FOCAD: variants seen among roughly 807,000 people sequenced by gnomAD.
FOCAD encodes focadhesin.
In FOCAD, 198 loss-of-function variants were observed where a neutral mutation model predicts 225.6. The ratio of observed to expected loss-of-function variants is 0.88; its 90% CI spans 0.78 to 0.99. The LOEUF (loss-of-function observed/expected upper bound fraction) is 0.99, where lower values mean the gene tolerates loss of function less well. FOCAD is among the 50% of genes least tolerant of loss of function. The pLI is 0.00. For missense variants in FOCAD, 2,713 were observed against 2,123.6 expected, an observed-to-expected ratio of 1.28 and a Z score of -5.46; for synonymous variants, 897 against 755.0, an observed-to-expected ratio of 1.19 and a Z score of -3.08.
intron 15 of FOCAD, among the ~76,000 whole-genome samples, chr9:20,841,119 G>A (rs989348367): frequency 2.0e-5 from 3 of 151,880 alleles, no homozygotes; most frequent in African/African-American, 7.2e-5. Context: ...AATTTGGTTT[G>A]CTATTATTTT....
chr9:20,888,166 T>A (rs183918725), intron 21 of FOCAD, among the ~76,000 whole-genome samples: 1 of 143,582 alleles, frequency 7.0e-6, no homozygotes, highest in Non-Finnish European at 1.5e-5. Flanking sequence ...TGAGATGGAG[T>A]CTTGCTCTGT....
At chr9:20,821,198 T>C in intron 14 of FOCAD, 127 bp downstream of exon 14, 2 of 784,440 alleles carry the variant, frequency 2.5e-6, no homozygotes, top group Non-Finnish European at 3.7e-6. Context: ...TTTTTTAACT[T>C]AAGTTTTCTG....
intron 39 of FOCAD, among the ~76,000 whole-genome samples, chr9:20,983,260 A>C (rs1055379017): frequency 2.0e-5 from 3 of 152,136 alleles, no homozygotes; most frequent in Non-Finnish European, 4.4e-5. Flanking sequence ...GTGTATCCTA[A>C]GGTTTGAAAA....
At chr9:20,800,736 G>A (rs191571902) in intron 11 of FOCAD, among the ~76,000 whole-genome samples, 2 of 152,144 alleles carry the variant, frequency 1.3e-5, no homozygotes, top group East Asian at 3.9e-4. Context: ...GGTTATTCTG[G>A]TTAGCCATTC....
At chr9:20,769,517 A>G (rs1015012758) in intron 7 of FOCAD, among the ~76,000 whole-genome samples, 2 of 152,350 alleles carry the variant, frequency 1.3e-5, no homozygotes, top group African/African-American at 4.8e-5. Context: ...AAGACACTCT[A>G]CCATTTGAAT....
At chr9:20,968,723 G>T (rs1839497889) in intron 35 of FOCAD, among the ~76,000 whole-genome samples, 1 of 151,976 alleles carries the variant, frequency 6.6e-6, no homozygotes, top group Non-Finnish European at 1.5e-5. Context: ...ACAGGCATGA[G>T]CCACCTCGCC....
intron 27 of FOCAD, among the ~76,000 whole-genome samples, chr9:20,932,048 A>T (rs953677453): frequency 6.6e-6 from 1 of 152,142 alleles, no homozygotes; most frequent in Non-Finnish European, 1.5e-5. Flanking sequence ...TGCTTCTGTC[A>T]TAACCCCCAG....
chr9:20,704,050 C>T (rs1375124732), intron 1 of FOCAD, among the ~76,000 whole-genome samples: 1 of 152,180 alleles, frequency 6.6e-6, no homozygotes, highest in African/African-American at 2.4e-5. Flanking sequence ...TGAGCTTAAT[C>T]AGATTAAGGT....
intron 28 of FOCAD, among the ~76,000 whole-genome samples, chr9:20,936,937 GACAA>G (rs953224317): frequency 3.0e-4 from 45 of 152,142 alleles, no homozygotes; most frequent in African/African-American, 6.3e-4. Context: ...ATCAATAACA[GACAA>G]ACAAAGAGCC....
At chr9:20,722,358 G>A (rs908729565) in intron 4 of FOCAD, among the ~76,000 whole-genome samples, 12 of 152,126 alleles carry the variant, frequency 7.9e-5, no homozygotes, top group Non-Finnish European at 1.2e-4. Context: ...CCTTGTGTGT[G>A]TTCCACACCA....
At chr9:20,788,793 G>A (rs909332426) in intron 10 of FOCAD, among the ~76,000 whole-genome samples, 2 of 152,142 alleles carry the variant, frequency 1.3e-5, no homozygotes, top group African/African-American at 4.8e-5. Flanking sequence ...TCTGGGTATT[G>A]TTTCAGCTTA....
chr9:20,967,014 G>A (rs994626461), intron 35 of FOCAD, among the ~76,000 whole-genome samples: 3 of 151,916 alleles, frequency 2.0e-5, no homozygotes, highest in Middle Eastern at 3.4e-3. Context: ...GGGGCCCCTT[G>A]CAATTCCACA....
At chr9:20,961,587 T>C (rs1838735261) in intron 35 of FOCAD, among the ~76,000 whole-genome samples, 1 of 152,182 alleles carries the variant, frequency 6.6e-6, no homozygotes, top group South Asian at 2.1e-4. Flanking sequence ...TATGTTCTTG[T>C]TCTCTCTCAT....
chr9:20,781,432 G>A (rs1338506354), intron 9 of FOCAD, among the ~76,000 whole-genome samples: 1 of 152,140 alleles, frequency 6.6e-6, no homozygotes, highest in Non-Finnish European at 1.5e-5. Flanking sequence ...GGCAATACTA[G>A]CATCTCAGAG....
At chr9:20,873,896 T>G (rs1037561789) in intron 18 of FOCAD, 1 of 152,176 alleles carries the variant, frequency 6.6e-6, no homozygotes, top group East Asian at 1.9e-4. Context: ...TTTTATATAT[T>G]TTGATTTCCT....
At chr9:20,782,947 G>T (rs943236612) in intron 10 of FOCAD, among the ~76,000 whole-genome samples, 1 of 152,174 alleles carries the variant, frequency 6.6e-6, no homozygotes, top group African/African-American at 2.4e-5. Flanking sequence ...ACAGGTAATC[G>T]ATTTGAATTG....
At chr9:20,700,434 A>C (rs1823849648) in intron 1 of FOCAD, among the ~76,000 whole-genome samples, 2 of 151,958 alleles carry the variant, frequency 1.3e-5, no homozygotes, top group Non-Finnish European at 2.9e-5. Flanking sequence ...AATTTATGAC[A>C]GCATAATGAA....
At chr9:20,802,479 AT>A (rs1300200024) in intron 11 of FOCAD, among the ~76,000 whole-genome samples, 7 of 152,126 alleles carry the variant, frequency 4.6e-5, no homozygotes, top group Admixed American at 3.3e-4. Flanking sequence ...CATGAAAGGA[AT>A]TTCTCAAGGG....
At chr9:20,987,504 T>C (rs145855330) in intron 40 of FOCAD, among the ~76,000 whole-genome samples, 1 of 150,598 alleles carries the variant, frequency 6.6e-6, no homozygotes, top group Non-Finnish European at 1.5e-5. Context: ...CGAGACTGCA[T>C]CTTGAAAAAA....
Sources: allele counts gnomAD v4.1 joint callset (sites outside exome capture counted in the v4.1 genomes callset), GRCh38; gene constraint gnomAD v4.1.1; transcripts MANE v1.5; gene names NCBI Gene and HGNC (gene_info 2026-07-23, HGNC 2026-07-21).